The following CAMTA1 variants were observed in gnomAD, a reference collection of about 807,000 sequenced individuals.
CAMTA1 encodes the protein calmodulin binding transcription activator 1.
In CAMTA1, 27 loss-of-function variants were observed where a neutral mutation model predicts 170.9. That is an observed-to-expected ratio of 0.16 (90% CI 0.12 to 0.22). The LOEUF is 0.22. Ranked by LOEUF, CAMTA1 falls within the 10% of genes least tolerant of loss-of-function variation. The pLI is 1.00. For missense variants in CAMTA1, 1,619 were observed against 2,217.2 expected, an observed-to-expected ratio of 0.73 and a Z score of 5.42; for synonymous variants, 833 against 891.5, an observed-to-expected ratio of 0.93 and a Z score of 1.17.
intron 11 of CAMTA1, among the ~76,000 whole-genome samples, chr1:7,706,883 A>C (rs924305844): frequency 5.0e-5 from 5 of 100,614 alleles, no homozygotes; most frequent in Admixed American, 2.8e-4. Flanking sequence ...ATTTCAGGCT[A>C]TTCTTTTTTT....
intron 3 of CAMTA1, among the ~76,000 whole-genome samples, chr1:6,831,327 C>T (rs1415287160): frequency 2.0e-5 from 3 of 152,202 alleles, no homozygotes; most frequent in Admixed American, 1.3e-4. Flanking sequence ...TTCACATCTT[C>T]ATCAGGTGAA....
chr1:7,614,443 C>G lies in CAMTA1; in HGVS notation c.511-25957C>G, dbSNP rs147208146. ...ATTCATTGATGCCAGAACTGACTCT[C>G]TTCTGGAAAATTGAAATATTTTGTA... On this transcript the variant is annotated intron_variant, in intron 6 of 22. Transcript: ENST00000303635. Among the ~76,000 whole-genome samples the G allele has an allele frequency of 4.2e-3, 634 of 151,728 alleles. 7 individuals carry two copies. Among genetic ancestry groups the G allele is most frequent in the African/African-American group, 0.015 (618 of 41,004 alleles).
At chr1:7,676,006 C>A (rs932188129) in intron 10 of CAMTA1, among the ~76,000 whole-genome samples, 2 of 152,216 alleles carry the variant, frequency 1.3e-5, no homozygotes, top group Non-Finnish European at 2.9e-5. Flanking sequence ...GGCCATCCCC[C>A]CCGACCCCAA....
At chr1:6,936,820 C>G (rs111904071) in intron 3 of CAMTA1, among the ~76,000 whole-genome samples, 11,033 of 152,130 alleles carry the variant, frequency 0.073, 792 homozygotes, top group Admixed American at 0.25. Flanking sequence ...AACCCCATCT[C>G]TACTAAAAAT....
At chr1:6,817,861 T>C (rs1156654591) in intron 1 of CAMTA1, among the ~76,000 whole-genome samples, 1 of 151,996 alleles carries the variant, frequency 6.6e-6, no homozygotes, top group Non-Finnish European at 1.5e-5. Context: ...TTTACAGAAA[T>C]AGAAAAGAAA....
At chr1:6,809,968 G>A (rs144837150) in intron 1 of CAMTA1, among the ~76,000 whole-genome samples, 1 of 152,306 alleles carries the variant, frequency 6.6e-6, no homozygotes, top group East Asian at 1.9e-4. Flanking sequence ...ACAGAGTACT[G>A]GTAGAAATGA....
At chr1:7,236,949 C>T (rs1330129480) in intron 4 of CAMTA1, among the ~76,000 whole-genome samples, 2 of 152,226 alleles carry the variant, frequency 1.3e-5, no homozygotes, top group Non-Finnish European at 2.9e-5. Context: ...ATAGTGTCCA[C>T]TCTTCTAGGA....
chr1:6,973,603 CTT>C (rs1388052972), intron 3 of CAMTA1, among the ~76,000 whole-genome samples: 1 of 152,184 alleles, frequency 6.6e-6, no homozygotes, highest in African/African-American at 2.4e-5. Flanking sequence ...GCTAATATCT[CTT>C]TGAGATTCAG....
intron 3 of CAMTA1, among the ~76,000 whole-genome samples, chr1:6,940,800 C>T (rs1041727971): frequency 3.1e-5 from 4 of 130,320 alleles, no homozygotes; most frequent in African/African-American, 1.2e-4. Context: ...CACACAGCCC[C>T]CTTCCTCACC....
chr1:7,507,587 T>C (rs1198903292), intron 6 of CAMTA1, among the ~76,000 whole-genome samples: 1 of 152,138 alleles, frequency 6.6e-6, no homozygotes, highest in Non-Finnish European at 1.5e-5. Context: ...TTGACTCAAA[T>C]TGCATTTTCC....
rs1008953464 is a variant in CAMTA1, at chr1:6,871,924, G to A, written c.234+46714G>A. On this transcript the variant is annotated intron_variant, in intron 3 of 22. Coordinates refer to ENST00000303635, the MANE Select transcript of CAMTA1 (RefSeq NM_015215.4). Reference sequence around the variant, plus strand: ...CATTTCATCTTTCAAAGTGTAACACGCTGATTTCCTCAAATAGAGATACCC... The same window carrying A: ...CATTTCATCTTTCAAAGTGTAACACACTGATTTCCTCAAATAGAGATACCC... 58 of 1,335,208 alleles carry A rather than the reference G, an allele frequency of 4.3e-5. No homozygotes were observed. In the Admixed American group the frequency reaches 5.1e-4, roughly 12 times the overall value. 82.7% of individuals were successfully genotyped at this position (1,335,208 alleles called of 1,614,324 possible). A position where few individuals can be genotyped will look rare whatever the true frequency, so the allele number is the denominator to read the frequency against.
In CAMTA1 at chr1:7,738,360, C is replaced by A; in HGVS notation, c.4060C>A (p.Arg1354Ser). ...AAAGGAGGCAGCACCTTCACAGGTG[C>A]GTCCACGGGAACCAATGAGTGTCCT... ...VGKEAAPSQV[R>S]PREPMSVLMM... The change falls in exon 16 of 23, where the codon CGT (arginine) becomes AGT (serine). Residue 1354 changes from arginine (R) to serine (S), a missense_variant. By Grantham distance (110) the Arg-to-Ser change is moderately radical. Around this residue, in one of 8 missense-constraint regions of CAMTA1, gnomAD observed 370 missense variants for 429.4 expected, o/e 0.86. Coordinates refer to ENST00000303635, the MANE Select transcript of CAMTA1 (RefSeq NM_015215.4). This position sits in a 1 kb window ranked among gnomAD's most constrained non-coding sequence, Gnocchi z 4.9. 2 of 1,614,152 alleles carry A rather than the reference C, an allele frequency of 1.2e-6. No homozygotes were observed. The highest frequency in any genetic ancestry group is 1.7e-6 in the Non-Finnish European group (2 of 1,180,034).
chr1:7,550,062 G>GGGGAGTGGAGGAGAGGGTGCA (rs1454401396), intron 6 of CAMTA1, among the ~76,000 whole-genome samples: 29 of 152,076 alleles, frequency 1.9e-4, no homozygotes, highest in African/African-American at 6.0e-4. Flanking sequence ...AGTCATTGCA[G>GGGGAGTGGAGGAGAGGGTGCA]GGGAGTGGAG....
chr1:6,908,582 G>T (rs1195804642), intron 3 of CAMTA1, among the ~76,000 whole-genome samples: 1 of 152,246 alleles, frequency 6.6e-6, no homozygotes, highest in Non-Finnish European at 1.5e-5. Flanking sequence ...AGGGTTTGGT[G>T]CAGCCCAGGT....
intron 6 of CAMTA1, among the ~76,000 whole-genome samples, chr1:7,542,110 T>A (rs1395085338): frequency 2.0e-5 from 3 of 152,182 alleles, no homozygotes; most frequent in Non-Finnish European, 4.4e-5. Flanking sequence ...AATACAATTT[T>A]AAAATATTTT....
chr1:7,058,068 G>A (rs1173915119), intron 3 of CAMTA1, among the ~76,000 whole-genome samples: 2 of 152,164 alleles, frequency 1.3e-5, no homozygotes, highest in African/African-American at 2.4e-5. Context: ...GTCCAGGCAG[G>A]ACGGAGACCG....
intron 5 of CAMTA1, among the ~76,000 whole-genome samples, chr1:7,373,101 C>T (rs953338019): frequency 3.3e-5 from 5 of 152,192 alleles, no homozygotes; most frequent in Non-Finnish European, 2.9e-5. Context: ...GATTCTAGTG[C>T]AGAGTCTGTC....
chr1:7,329,473 A>G (rs897023525), intron 5 of CAMTA1, among the ~76,000 whole-genome samples: 1 of 152,150 alleles, frequency 6.6e-6, no homozygotes, highest in African/African-American at 2.4e-5. Flanking sequence ...ATTTATGTCA[A>G]ATTGTCTCAC....
In CAMTA1 at chr1:7,105,452, G is replaced by A. The variant is rs940780164; in HGVS notation, c.302+14081G>A. 2.0e-5 allele frequency among the ~76,000 whole-genome samples: 3 copies of A among 152,230 alleles called. No individual in the cohort carries two copies. In the South Asian group the frequency reaches 6.2e-4, roughly 32 times the overall value. On this transcript the variant is annotated intron_variant, in intron 4 of 22. Transcript: ENST00000303635. ...ATCTGCTGGGAACTTCCCATGAAGGGCATGACAGGCCCACGGTGGGGTGGC... is the reference window on the plus strand; with the variant it reads ...ATCTGCTGGGAACTTCCCATGAAGGACATGACAGGCCCACGGTGGGGTGGC...
Sources: allele counts gnomAD v4.1 joint callset (sites outside exome capture counted in the v4.1 genomes callset), GRCh38; gene constraint gnomAD v4.1.1; regional missense constraint gnomAD v4.1.1; non-coding constraint Gnocchi (gnomAD v3.1); transcripts MANE v1.5; gene names NCBI Gene and HGNC (gene_info 2026-07-23, HGNC 2026-07-21).